EDA: variants seen among roughly 807,000 people sequenced by gnomAD.
EDA encodes the protein ectodysplasin A.
In EDA, 2 loss-of-function variants were observed where a neutral mutation model predicts 23.6. The observed-to-expected ratio is 0.08, with a 90% CI of 0.03 to 0.27. EDA has a LOEUF of 0.27. Among genes scored for constraint, EDA ranks in the 10% least tolerant of loss-of-function variants. EDA has a pLI of 1.00. For missense variants in EDA, 229 were observed against 324.2 expected (o/e 0.71, Z 2.26); for synonymous variants, 131 against 132.0 (o/e 0.99, Z 0.05).
intron 1 of EDA, among the ~76,000 whole-genome samples, chrX:69,722,903 A>G (rs1042788281): frequency 1.4e-4 from 16 of 112,470 alleles, no homozygotes; most frequent in Non-Finnish European, 2.4e-4. Flanking sequence ...GAAATAATAT[A>G]CATTAATCAT....
intron 1 of EDA, among the ~76,000 whole-genome samples, chrX:69,630,925 T>G (rs1932550221): frequency 8.9e-6 from 1 of 111,823 alleles, no homozygotes. Context: ...TGGTCCCAGG[T>G]CTGCGTTTAG....
Position 69,857,935 on chromosome X carries a change from G to A in EDA, c.397-99092G>A, listed in dbSNP as rs139969631. ...GCAGTGCTTTGTAGTTCTCCTTGTA[G>A]AGATCTTTCACCTCCTTGGTTAGCT... is the stretch of plus-strand genomic sequence containing the variant. On this transcript the variant is annotated intron_variant, in intron 1 of 7. Transcript: ENST00000374552. 1.0e-2 allele frequency among the ~76,000 whole-genome samples: 1,118 copies of A among 111,984 alleles called. 11 individuals are homozygous for A. Among genetic ancestry groups the A allele is most frequent in the African/African-American group, 0.034 (1,040 of 30,877 alleles).
chrX:69,691,900 T>A (rs2147298605), intron 1 of EDA, among the ~76,000 whole-genome samples: 1 of 112,093 alleles, frequency 8.9e-6, no homozygotes, highest in African/African-American at 3.2e-5. Flanking sequence ...TTATTAAAAG[T>A]TTCTACGTCC....
intron 2 of EDA, among the ~76,000 whole-genome samples, chrX:69,972,437 A>G (rs1232030274): frequency 9.0e-6 from 1 of 111,665 alleles, no homozygotes; most frequent in Non-Finnish European, 1.9e-5. Context: ...TGTGAATAAG[A>G]GTGACACTAT....
chrX:69,694,141 A>G (rs2011257039), intron 1 of EDA, among the ~76,000 whole-genome samples: 1 of 112,125 alleles, frequency 8.9e-6, no homozygotes, highest in Admixed American at 9.4e-5. Context: ...ACTTTTAATA[A>G]TGGAGGCTTT....
At chrX:69,787,581 A>G (rs898993156) in intron 1 of EDA, among the ~76,000 whole-genome samples, 8 of 107,602 alleles carry the variant, frequency 7.4e-5, no homozygotes, top group Admixed American at 2.0e-4. Context: ...GAAATTCTGC[A>G]TTGAAAATTC....
At chrX:70,019,068 C>G (rs1487371803) in intron 2 of EDA, among the ~76,000 whole-genome samples, 2 of 111,971 alleles carry the variant, frequency 1.8e-5, no homozygotes, top group African/African-American at 6.5e-5. Flanking sequence ...AAGACATATA[C>G]ATGAGCAGTA....
At chrX:69,637,131 A>G (rs1470232151) in intron 1 of EDA, among the ~76,000 whole-genome samples, 1 of 112,027 alleles carries the variant, frequency 8.9e-6, no homozygotes, top group Non-Finnish European at 1.9e-5. Context: ...AGAATATTCA[A>G]TGGAGATGGG....
At chrX:69,676,867 G>T (rs770973153) in intron 1 of EDA, among the ~76,000 whole-genome samples, 1 of 109,012 alleles carries the variant, frequency 9.2e-6, no homozygotes, top group Non-Finnish European at 1.9e-5. Context: ...TAGGGTACAT[G>T]TGCACAATGT....
rs189124252 is a variant in EDA at position 69,669,237 on chromosome X, A to G, written c.396+52533A>G. 2.0e-3 allele frequency among the ~76,000 whole-genome samples: 215 copies of G among 108,816 alleles called. 1 individual carries two copies. The highest frequency in any genetic ancestry group is 7.0e-3 in the African/African-American group (208 of 29,885). 94.5% of individuals were successfully genotyped at this position (108,816 alleles called of 115,157 possible). A position where few individuals can be genotyped will look rare whatever the true frequency, so the allele number is the denominator to read the frequency against. ...TTTTTTTAATCCATTCGACTACTCT[A>G]TGTCTTTTGATTGGAGAAGTTAATT... On this transcript the variant is annotated intron_variant, in intron 1 of 7. Coordinates refer to ENST00000374552, the MANE Select transcript of EDA (RefSeq NM_001399.5).
chrX:69,842,636 G>C (rs980960275), intron 1 of EDA, among the ~76,000 whole-genome samples: 1 of 111,628 alleles, frequency 9.0e-6, no homozygotes, highest in East Asian at 2.8e-4. Flanking sequence ...GATATGGCTT[G>C]GATCTGTGTC....
At chrX:69,704,956 C>A (rs946618904) in intron 1 of EDA, among the ~76,000 whole-genome samples, 1 of 110,687 alleles carries the variant, frequency 9.0e-6, no homozygotes, top group Non-Finnish European at 1.9e-5. Context: ...CGTGGTGGCT[C>A]ACACCTGTAA....
At chrX:69,640,813 G>A (rs1442158513) in intron 1 of EDA, among the ~76,000 whole-genome samples, 2 of 111,229 alleles carry the variant, frequency 1.8e-5, no homozygotes, top group Non-Finnish European at 3.8e-5. Flanking sequence ...TAGGGGGTTT[G>A]GATTTTTGAG....
intron 1 of EDA, among the ~76,000 whole-genome samples, chrX:69,721,148 G>A (rs2012562897): frequency 1.8e-5 from 2 of 111,525 alleles, no homozygotes; most frequent in South Asian, 3.7e-4. Flanking sequence ...GCTCCTGCTG[G>A]TGGTGCTTGA....
At chrX:70,022,536 C>T (rs374836724) in intron 2 of EDA, among the ~76,000 whole-genome samples, 74 of 109,280 alleles carry the variant, frequency 6.8e-4, no homozygotes, top group African/African-American at 2.4e-3. Context: ...CGAGGTTTCA[C>T]TGTGTTAGCC....
intron 1 of EDA, among the ~76,000 whole-genome samples, chrX:69,729,718 A>T (rs2147355237): frequency 8.9e-6 from 1 of 111,772 alleles, no homozygotes; most frequent in South Asian, 3.8e-4. Flanking sequence ...CACATTTTCT[A>T]CCACTCCACC....
chrX:69,964,313 T>C, intron 2 of EDA, among the ~76,000 whole-genome samples: 1 of 111,148 alleles, frequency 9.0e-6, no homozygotes, highest in South Asian at 3.9e-4. Flanking sequence ...TTTTGAAGCA[T>C]GCATACTCCT....
chrX:69,816,730 G>A (rs761493443), intron 1 of EDA, among the ~76,000 whole-genome samples: 10 of 110,413 alleles, frequency 9.1e-5, no homozygotes, highest in Non-Finnish European at 1.9e-4. Flanking sequence ...ACTGATTGGG[G>A]TACCTGAAAG....
chrX:69,938,143 C>A (rs2018702297), intron 1 of EDA: 5 of 672,674 alleles, frequency 7.4e-6, no homozygotes, highest in Middle Eastern at 5.1e-4. Context: ...TCCTCCTCCT[C>A]CCCCTGGCCA....
Sources: allele counts gnomAD v4.1 joint callset (sites outside exome capture counted in the v4.1 genomes callset), GRCh38; gene constraint gnomAD v4.1.1; transcripts MANE v1.5; gene names NCBI Gene and HGNC (gene_info 2026-07-23, HGNC 2026-07-21).